The following TFCP2 variants were observed in gnomAD, a reference collection of about 807,000 sequenced individuals.
TFCP2 encodes the protein alpha-globin transcription factor CP2.
In TFCP2, 33 loss-of-function variants were observed where a neutral mutation model predicts 73.4. That is an observed-to-expected ratio of 0.45 (90% confidence interval 0.34 to 0.60). The LOEUF (loss-of-function observed/expected upper bound fraction) is 0.60. TFCP2 is among the 20% of genes least tolerant of loss of function. The pLI is 0.01. For missense variants in TFCP2, 352 were observed against 604.0 expected, an observed-to-expected ratio of 0.58 and a Z score of 4.37; for synonymous variants, 193 against 211.6, an observed-to-expected ratio of 0.91 and a Z score of 0.76.
intron 1 of TFCP2, among the ~76,000 whole-genome samples, chr12:51,136,953 C>T (rs1456084595): frequency 6.6e-6 from 1 of 152,032 alleles, no homozygotes; most frequent in Non-Finnish European, 1.5e-5. Flanking sequence ...CAAAAACAAA[C>T]AGCAACAAAA....
chr12:51,146,467 A>G (rs1045026478), intron 1 of TFCP2, among the ~76,000 whole-genome samples: 1 of 151,978 alleles, frequency 6.6e-6, no homozygotes, highest in Non-Finnish European at 1.5e-5. Context: ...CTGGCCTCAT[A>G]AGAAATTAGG....
rs561872975 is a variant in TFCP2, at chr12:51,101,979, A to T, written c.1107T>A (p.Cys369Ter). 1 of 1,613,542 alleles carries T rather than the reference A, an allele frequency of 6.2e-7. No individual in the cohort carries two copies. Among genetic ancestry groups the T allele is most frequent in the Non-Finnish European group, 8.5e-7 (1 of 1,179,552 alleles). The change falls in exon 11 of 15, where the codon TGT becomes TGA. Residue 369 changes from cysteine to a stop codon, truncating the protein, a stop_gained. Coordinates refer to ENST00000257915, the MANE Select transcript of TFCP2 (RefSeq NM_005653.5). LOFTEE classifies it high-confidence loss of function. The part of the protein sequence containing the change: ...KLTRDDVIQI[C>*]GPADGIRLFN... Reference sequence around the variant, plus strand: ...AAAGTCTGATTCCATCTGCAGGGCCACAGATTTGGATCACATCATCTCTAG... The same window carrying T: ...AAAGTCTGATTCCATCTGCAGGGCCTCAGATTTGGATCACATCATCTCTAG...
chr12:51,094,151 C>G lies in TFCP2; in HGVS notation c.*1090G>C, dbSNP rs1324895863. 2 of 152,096 alleles carry G rather than the reference C, an allele frequency of 1.3e-5. No individual in the cohort carries two copies. The highest frequency in any genetic ancestry group is 4.8e-5 in the African/African-American group (2 of 41,432). 9.4% of individuals were successfully genotyped at this position (152,096 alleles called of 1,614,324 possible). ...CAAGAGAAGATGCAGAGAGAGGAAA[C>G]AGAAAGCAGGGATGAGACTAACTCA... is the stretch of plus-strand genomic sequence containing the variant. On this transcript the variant is annotated 3_prime_UTR_variant, in exon 15 of 15. Transcript: ENST00000257915.
chr12:51,126,165 G>A (rs1289112495), intron 1 of TFCP2, among the ~76,000 whole-genome samples: 2 of 150,542 alleles, frequency 1.3e-5, no homozygotes, highest in East Asian at 1.9e-4. Context: ...CCCGGGAGGC[G>A]GAGCTTGTAG....
chr12:51,104,542 A>C (rs187065759), intron 8 of TFCP2, among the ~76,000 whole-genome samples: 18 of 152,232 alleles, frequency 1.2e-4, no homozygotes, highest in Admixed American at 5.9e-4. Context: ...TTATGAAAGA[A>C]TAATTATCAA....
intron 12 of TFCP2, 60 bp downstream of exon 12, chr12:51,099,595 C>T: frequency 6.3e-7 from 1 of 1,589,408 alleles, no homozygotes; most frequent in East Asian, 2.3e-5. Flanking sequence ...ATCACACATG[C>T]CCATAAGTTA....
chr12:51,150,228 G>C (rs868750312), intron 1 of TFCP2, among the ~76,000 whole-genome samples: 121 of 152,192 alleles, frequency 8.0e-4, no homozygotes, highest in Middle Eastern at 3.4e-3. Context: ...GACCAGCCTG[G>C]CCAACATGGC....
intron 2 of TFCP2, 58 bp downstream of exon 2, chr12:51,118,563 A>C: frequency 6.3e-7 from 1 of 1,577,556 alleles, no homozygotes; most frequent in Admixed American, 1.8e-5. Flanking sequence ...CAAACAAACA[A>C]AAAAATCATA....
intron 1 of TFCP2, among the ~76,000 whole-genome samples, chr12:51,119,762 A>T (rs1202055678): frequency 6.6e-6 from 1 of 151,926 alleles, no homozygotes; most frequent in Admixed American, 6.6e-5. Context: ...AAAAAAAAAA[A>T]TTAATTAAAA....
At chr12:51,108,997 T>TA in intron 6 of TFCP2, 124 bp downstream of exon 6, 1 of 1,089,302 alleles carries the variant, frequency 9.2e-7, no homozygotes, top group Non-Finnish European at 1.3e-6. Context: ...GACTCTAGCT[T>TA]AGACTTTTTG....
chr12:51,118,597 C>T, intron 2 of TFCP2, 24 bp downstream of exon 2: 1 of 1,611,330 alleles, frequency 6.2e-7, no homozygotes, highest in Non-Finnish European at 8.5e-7. Context: ...TGCAATAGTA[C>T]TAATGAATGA....
chr12:51,171,223 T>C (rs1941853591), intron 1 of TFCP2, among the ~76,000 whole-genome samples: 1 of 152,190 alleles, frequency 6.6e-6, no homozygotes, highest in South Asian at 2.1e-4. Flanking sequence ...AACCCAATTA[T>C]AGTCCATCTA....
chr12:51,157,793 C>T (rs1050737713), intron 1 of TFCP2, among the ~76,000 whole-genome samples: 2 of 140,848 alleles, frequency 1.4e-5, no homozygotes, highest in African/African-American at 2.6e-5. Context: ...TGGGTTCATG[C>T]GATTCTCCTG....
chr12:51,124,912 C>G, intron 1 of TFCP2: 1 of 914,724 alleles, frequency 1.1e-6, no homozygotes, highest in Non-Finnish European at 1.8e-6. Flanking sequence ...GTCAAGGACA[C>G]GTCGTCCAGG....
intron 1 of TFCP2, among the ~76,000 whole-genome samples, chr12:51,169,253 C>T (rs1941812087): frequency 6.6e-6 from 1 of 152,014 alleles, no homozygotes; most frequent in African/African-American, 2.4e-5. Context: ...AATCCCCCAG[C>T]ACTTTGGGAG....
At chr12:51,107,178 T>G (rs1940268242) in intron 7 of TFCP2, 58 bp downstream of exon 7, 1 of 1,392,030 alleles carries the variant, frequency 7.2e-7, no homozygotes, top group South Asian at 1.2e-5. Context: ...TTGGAAGTGA[T>G]GAATTTTTAA....
Position 51,099,675 on chromosome 12 carries a change from T to A in TFCP2, c.1256A>T (p.Asp419Val). The change falls in exon 12 of 15, where the codon GAC becomes GTC. Residue 419 changes from aspartate (D) to valine (V), a missense_variant. Coordinates refer to ENST00000257915, the MANE Select transcript of TFCP2 (RefSeq NM_005653.5). ...QQQQQKHEDG[D>V]SNGTFFVYHA... Reference sequence around the variant, plus strand: ...CCTACCGAAGAAAGTACCATTTGAGTCTCCATCCTCATGCTTCTGCTGCTG... The same window carrying A: ...CCTACCGAAGAAAGTACCATTTGAGACTCCATCCTCATGCTTCTGCTGCTG... The A allele has an allele frequency of 6.2e-7, 1 of 1,614,140 alleles. No homozygotes were observed. The highest frequency in any genetic ancestry group is 8.5e-7 in the Non-Finnish European group (1 of 1,180,032).
At chr12:51,154,984 A>G (rs921467229) in intron 1 of TFCP2, among the ~76,000 whole-genome samples, 1 of 152,180 alleles carries the variant, frequency 6.6e-6, no homozygotes, top group African/African-American at 2.4e-5. Flanking sequence ...GTGTGTGAGT[A>G]GGTTGATTGA....
chr12:51,120,951 T>C lies in TFCP2; in HGVS notation c.123-2179A>G, dbSNP rs534051729. Among the ~76,000 whole-genome samples the C allele has an allele frequency of 5.3e-5, 8 of 150,204 alleles. No individual in the cohort carries two copies. In the Admixed American group the frequency reaches 5.4e-4, roughly 10 times the overall value. Reference sequence around the variant, plus strand: ...AAAAGGTAAAAAGAGTAGTAACATGTTAAAGCAAGGTGATGAGTACAAGAG... The same window carrying C: ...AAAAGGTAAAAAGAGTAGTAACATGCTAAAGCAAGGTGATGAGTACAAGAG... On this transcript the variant is annotated intron_variant, in intron 1 of 14. Coordinates refer to ENST00000257915, the MANE Select transcript of TFCP2 (RefSeq NM_005653.5).
Sources: gnomAD v4.1 joint callset for allele counts (sites outside exome capture counted in the v4.1 genomes callset) on GRCh38, gnomAD v4.1.1 for gene constraint, MANE v1.5 for transcripts, NCBI Gene and HGNC (gene_info 2026-07-23, HGNC 2026-07-21) for gene names.